ITGA9: variants seen among roughly 807,000 people sequenced by gnomAD.
ITGA9 encodes the protein integrin alpha-9.
ITGA9 carries 56 observed loss-of-function variants against 127.8 expected under a neutral mutation model. The ratio of observed to expected loss-of-function variants is 0.44; its 90% CI spans 0.35 to 0.55. The LOEUF is 0.55. Ranked by LOEUF, ITGA9 falls within the 20% of genes least tolerant of loss-of-function variation. ITGA9 has a pLI of 0.00. For missense variants in ITGA9, 1,196 were observed against 1,347.1 expected (o/e 0.89, Z 1.76); for synonymous variants, 508 against 514.5 (o/e 0.99, Z 0.17).
intron 15 of ITGA9, among the ~76,000 whole-genome samples, chr3:37,624,190 A>G (rs1413063059): frequency 1.4e-5 from 2 of 139,758 alleles, no homozygotes; most frequent in Non-Finnish European, 3.1e-5. Context: ...GCTAAGGAAG[A>G]AAAAAAACCC....
rs779429507 is a variant in ITGA9, at chr3:37,803,928, G to A, written c.2995G>A (p.Val999Met). The A allele has an allele frequency of 6.8e-6, 11 of 1,614,028 alleles. No individual in the cohort carries two copies. The highest frequency in any genetic ancestry group is 4.0e-5 in the African/African-American group (3 of 74,908). Reference sequence around the variant, plus strand: ...AATCCTCATCTTCCTGCTGCTGGCCGTGCTGCTCTGGAAGGTGAGTCTGGT... The same window carrying A: ...AATCCTCATCTTCCTGCTGCTGGCCATGCTGCTCTGGAAGGTGAGTCTGGT... Reference protein sequence around the residue: ...VGILIFLLLAVLLWKMGFFRR... With the variant: ...VGILIFLLLAMLLWKMGFFRR... The change falls in exon 27 of 28, where the codon GTG (valine) becomes ATG (methionine). Residue 999 changes from valine to methionine, a missense_variant. Transcript: ENST00000264741.
At chr3:37,795,770 A>C (rs531752353) in intron 26 of ITGA9, among the ~76,000 whole-genome samples, 2 of 152,014 alleles carry the variant, frequency 1.3e-5, no homozygotes, top group South Asian at 2.1e-4. Flanking sequence ...CTCCTCAGTC[A>C]ATCTTCTCCT....
intron 23 of ITGA9, among the ~76,000 whole-genome samples, chr3:37,775,746 C>G (rs1251077791): frequency 6.6e-6 from 1 of 151,938 alleles, no homozygotes; most frequent in Non-Finnish European, 1.5e-5. Flanking sequence ...TAAATGTGCT[C>G]AACCATTGTG....
rs377048325 is a variant in ITGA9 at position 37,609,874 on chromosome 3, G to A, written c.1690-19313G>A. The stretch of plus-strand genomic sequence containing the variant: ...CCCCAGCATTCTCTTCAAGGTTGGG[G>A]AATTGGACCCTACATTTGATGGGAG... On this transcript the variant is annotated intron_variant, in intron 15 of 27. Coordinates refer to ENST00000264741, the MANE Select transcript of ITGA9 (RefSeq NM_002207.3). Among the ~76,000 whole-genome samples the A allele has an allele frequency of 4.6e-5, 7 of 152,332 alleles. No homozygotes were observed. In the South Asian group the frequency reaches 1.5e-3, roughly 32 times the overall value.
chr3:37,811,071 C>A (rs1332595202), intron 27 of ITGA9, among the ~76,000 whole-genome samples: 1 of 152,178 alleles, frequency 6.6e-6, no homozygotes, highest in Non-Finnish European at 1.5e-5. Flanking sequence ...ACAATGAGGG[C>A]CCCAAGCTAA....
chr3:37,510,592 C>T (rs576918349), intron 8 of ITGA9, among the ~76,000 whole-genome samples: 3 of 152,216 alleles, frequency 2.0e-5, no homozygotes, highest in Admixed American at 2.0e-4. Context: ...CCTTTGAGAA[C>T]CCACTTGTCT....
At chr3:37,585,721 C>A (rs756296351) in intron 15 of ITGA9, 5 of 490,508 alleles carry the variant, frequency 1.0e-5, no homozygotes, top group Non-Finnish European at 2.1e-5. Context: ...ACTTTATTTG[C>A]GAAGGGGTGG....
intron 4 of ITGA9, among the ~76,000 whole-genome samples, chr3:37,488,810 AAT>A (rs1465774701): frequency 1.3e-5 from 2 of 152,068 alleles, no homozygotes; most frequent in African/African-American, 4.8e-5. Flanking sequence ...AAAAAAAAAA[AAT>A]ATTGTAAAAA....
intron 18 of ITGA9, among the ~76,000 whole-genome samples, chr3:37,689,262 A>G (rs958909278): frequency 6.6e-6 from 1 of 152,198 alleles, no homozygotes; most frequent in African/African-American, 2.4e-5. Flanking sequence ...TCATAGATTT[A>G]TTCTGGATTA....
intron 14 of ITGA9, among the ~76,000 whole-genome samples, chr3:37,535,896 A>G (rs1464130108): frequency 6.6e-6 from 1 of 152,248 alleles, no homozygotes; most frequent in Non-Finnish European, 1.5e-5. Context: ...AGAGAAATGT[A>G]GAAATCTGCC....
chr3:37,507,535 G>A (rs991873233), intron 7 of ITGA9, among the ~76,000 whole-genome samples: 1 of 152,116 alleles, frequency 6.6e-6, no homozygotes, highest in African/African-American at 2.4e-5. Flanking sequence ...TATCTGGGGG[G>A]TGCAAGGTAT....
At chr3:37,741,624 T>G in intron 20 of ITGA9, 106 bp from the exon 21 acceptor site, 3 of 856,074 alleles carry the variant, frequency 3.5e-6, no homozygotes, top group Non-Finnish European at 3.9e-6. Flanking sequence ...AGGTGCCATC[T>G]GCCCTTGGAG....
At chr3:37,811,259 A>G (rs1189456600) in intron 27 of ITGA9, among the ~76,000 whole-genome samples, 1 of 152,228 alleles carries the variant, frequency 6.6e-6, no homozygotes. Flanking sequence ...AGAAAAGTCC[A>G]AATGAGTCCC....
At chr3:37,516,506 A>G (rs1698984999) in intron 9 of ITGA9, among the ~76,000 whole-genome samples, 1 of 152,188 alleles carries the variant, frequency 6.6e-6, no homozygotes, top group African/African-American at 2.4e-5. Context: ...TACCTGGTAC[A>G]TAGGAGCAAT....
At chr3:37,466,351 C>T (rs997409690) in intron 1 of ITGA9, among the ~76,000 whole-genome samples, 6 of 151,638 alleles carry the variant, frequency 4.0e-5, no homozygotes, top group South Asian at 4.2e-4. Flanking sequence ...GGCGTGGTGG[C>T]GTGTGCCTGT....
At chr3:37,744,306 G>A (rs1696474347) in intron 22 of ITGA9, among the ~76,000 whole-genome samples, 1 of 152,162 alleles carries the variant, frequency 6.6e-6, no homozygotes, top group African/African-American at 2.4e-5. Context: ...GTGTGGTGGA[G>A]GCCTCAGCCA....
intron 15 of ITGA9, among the ~76,000 whole-genome samples, chr3:37,561,581 A>G (rs1699488642): frequency 6.6e-6 from 1 of 152,228 alleles, no homozygotes; most frequent in African/African-American, 2.4e-5. Context: ...TGGGGTTTCT[A>G]GAGCCCAAGC....
intron 16 of ITGA9, among the ~76,000 whole-genome samples, chr3:37,650,210 C>T (rs1391804592): frequency 3.9e-5 from 6 of 152,124 alleles, no homozygotes; most frequent in African/African-American, 1.4e-4. Context: ...GACCTAGTCT[C>T]AGAAGTCACA....
intron 1 of ITGA9, among the ~76,000 whole-genome samples, chr3:37,460,587 CTTTTTTTTT>C (rs10711884): frequency 9.0e-6 from 1 of 110,864 alleles, no homozygotes; most frequent in Non-Finnish European, 1.9e-5. Context: ...GTGCCCAAAT[CTTTTTTTTT>C]TTTTTTTTTT....
Sources: allele counts gnomAD v4.1 joint callset (sites outside exome capture counted in the v4.1 genomes callset), GRCh38; gene constraint gnomAD v4.1.1; transcripts MANE v1.5; gene names NCBI Gene and HGNC (gene_info 2026-07-23, HGNC 2026-07-21).